Variants in GALNT14 observed in about 807,000 individuals in gnomAD.
GALNT14 encodes the protein UDP-GalNAc:polypeptide N-acetylgalactosaminyltransferase 14.
GALNT14 carries 60 observed loss-of-function variants against 77.5 expected under a neutral mutation model. The observed-to-expected ratio is 0.77, with a 90% CI of 0.63 to 0.96. GALNT14 has a LOEUF of 0.96. GALNT14 is among the 40% of genes least tolerant of loss of function. GALNT14 has a pLI of 0.00. For synonymous variants in GALNT14, 280 were observed against 281.7 expected, an observed-to-expected ratio of 0.99 and a Z score of 0.06; for missense variants, 710 against 731.0, an observed-to-expected ratio of 0.97 and a Z score of 0.33.
At chr2:30,892,784 TGTGA>T in the GALNT14 span, among the ~76,000 whole-genome samples, 1 of 152,190 alleles carries the variant, frequency 6.6e-6, no homozygotes, top group Non-Finnish European at 1.5e-5. Context: ...CTCCCACTGC[TGTGA>T]GTATTAAACT....
chr2:31,069,113 T>C (rs1007908357), intron 1 of GALNT14, among the ~76,000 whole-genome samples: 7 of 152,226 alleles, frequency 4.6e-5, no homozygotes, highest in Non-Finnish European at 7.3e-5. Context: ...ACTAAAACCA[T>C]TGATCTTTAC....
chr2:31,038,524 G>C (rs917137720), intron 1 of GALNT14, among the ~76,000 whole-genome samples: 1 of 150,586 alleles, frequency 6.6e-6, no homozygotes, highest in Non-Finnish European at 1.5e-5. Context: ...AGGCCATATA[G>C]TAATAACTCT....
chr2:30,932,489 G>A (rs986123166), intron 9 of GALNT14, among the ~76,000 whole-genome samples: 2 of 152,246 alleles, frequency 1.3e-5, no homozygotes, highest in Non-Finnish European at 2.9e-5. Context: ...CAACTTCTTA[G>A]CCTGGAAAGG....
At chr2:31,057,316 T>TATATAA (rs1553369022) in intron 1 of GALNT14, among the ~76,000 whole-genome samples, 2 of 137,792 alleles carry the variant, frequency 1.5e-5, no homozygotes, top group Admixed American at 7.3e-5. Flanking sequence ...TATATATATA[T>TATATAA]AAAATTATAT....
intron 1 of GALNT14, among the ~76,000 whole-genome samples, chr2:31,043,434 T>C (rs1439904644): frequency 6.6e-6 from 1 of 152,122 alleles, no homozygotes; most frequent in Non-Finnish European, 1.5e-5. Flanking sequence ...AGCTCCTCAA[T>C]AAATAAGGTA....
At chr2:31,093,782 C>T (rs1174475802) in intron 1 of GALNT14, among the ~76,000 whole-genome samples, 2 of 152,246 alleles carry the variant, frequency 1.3e-5, no homozygotes, top group Non-Finnish European at 2.9e-5. Context: ...ACTGAAAGCA[C>T]TTTTGCAGAC....
At chr2:31,013,269 A>C (rs1671149469) in intron 1 of GALNT14, among the ~76,000 whole-genome samples, 1 of 146,238 alleles carries the variant, frequency 6.8e-6, no homozygotes, top group South Asian at 2.1e-4. Flanking sequence ...TCATCTTTTT[A>C]AATAAAAACC....
intron 9 of GALNT14, among the ~76,000 whole-genome samples, chr2:30,936,092 T>C (rs1490733186): frequency 6.6e-6 from 1 of 152,226 alleles, no homozygotes; most frequent in Non-Finnish European, 1.5e-5. Flanking sequence ...TGTGTAATTA[T>C]TCCATCCTCA....
In GALNT14 at chr2:31,056,624, C is replaced by A. The variant is rs192090874; in HGVS notation, c.130-63617G>T. ...CCTGCCATGGGGAGGCCTTTACATC[C>A]CTTCTCAGAATAGCACTTATAAATG... On this transcript the variant is annotated intron_variant, in intron 1 of 14. Transcript: ENST00000349752. Among the ~76,000 whole-genome samples, 66 of 152,272 alleles carry A rather than the reference C, an allele frequency of 4.3e-4. 1 individual carries two copies. Among genetic ancestry groups the A allele is most frequent in the Non-Finnish European group, 1.3e-4 (9 of 68,030 alleles).
chr2:30,978,547 C>T (rs924061268), intron 2 of GALNT14, among the ~76,000 whole-genome samples: 5 of 152,110 alleles, frequency 3.3e-5, no homozygotes, highest in African/African-American at 4.8e-5. Context: ...CCAATTGTGG[C>T]GCTGGATTTA....
intron 1 of GALNT14, among the ~76,000 whole-genome samples, chr2:31,066,400 A>G (rs1382697625): frequency 1.3e-5 from 1 of 74,982 alleles, no homozygotes; most frequent in Non-Finnish European, 2.7e-5. Flanking sequence ...CAGCTGCGAA[A>G]GGGTGCGGGG....
chr2:30,941,354 T>C (rs1359684191), intron 9 of GALNT14, among the ~76,000 whole-genome samples: 1 of 152,170 alleles, frequency 6.6e-6, no homozygotes, highest in Non-Finnish European at 1.5e-5. Flanking sequence ...GCAGCTTCTA[T>C]CCTAGTGATC....
intron 1 of GALNT14, among the ~76,000 whole-genome samples, chr2:31,043,076 A>G (rs1213400954): frequency 6.6e-6 from 1 of 152,084 alleles, no homozygotes; most frequent in Non-Finnish European, 1.5e-5. Context: ...CACTTTGGCT[A>G]TACCTGACCC....
chr2:30,903,341 C>A, the GALNT14 span, among the ~76,000 whole-genome samples: 2 of 152,228 alleles, frequency 1.3e-5, no homozygotes, highest in African/African-American at 4.8e-5. Context: ...GACATTAATT[C>A]TTTGAGTGCT....
intron 1 of GALNT14, among the ~76,000 whole-genome samples, chr2:31,071,804 T>C (rs559887936): frequency 3.3e-4 from 51 of 152,284 alleles, no homozygotes; most frequent in African/African-American, 1.2e-3. Flanking sequence ...CTGCAGAGTT[T>C]ATAAGGCTAA....
chr2:31,015,088 G>T (rs1671270215), intron 1 of GALNT14, among the ~76,000 whole-genome samples: 1 of 152,032 alleles, frequency 6.6e-6, no homozygotes, highest in African/African-American at 2.4e-5. Context: ...TCAGGAGTTT[G>T]AGACCAGCCT....
intron 13 of GALNT14, among the ~76,000 whole-genome samples, chr2:30,916,970 A>G (rs969053071): frequency 6.7e-6 from 1 of 149,938 alleles, no homozygotes; most frequent in African/African-American, 2.5e-5. Flanking sequence ...CCAGCTACTC[A>G]GGAGGCTGAA....
At chr2:30,970,908 CTAAGG>C (rs1668311134) in intron 2 of GALNT14, among the ~76,000 whole-genome samples, 1 of 152,192 alleles carries the variant, frequency 6.6e-6, no homozygotes, top group Non-Finnish European at 1.5e-5. Flanking sequence ...ATGAGCTGAA[CTAAGG>C]CTCAGAATCT....
chr2:30,978,713 G>A (rs1227849482), intron 2 of GALNT14, among the ~76,000 whole-genome samples: 2 of 152,156 alleles, frequency 1.3e-5, no homozygotes, highest in Non-Finnish European at 2.9e-5. Flanking sequence ...CACGAGGTGC[G>A]CTTTGGGCCC....
Sources: gnomAD v4.1 joint callset for allele counts (sites outside exome capture counted in the v4.1 genomes callset) on GRCh38, gnomAD v4.1.1 for gene constraint, MANE v1.5 for transcripts, NCBI Gene and HGNC (gene_info 2026-07-23, HGNC 2026-07-21) for gene names.